The following CDH23 variants were observed in gnomAD, a reference collection of about 807,000 sequenced individuals.
CDH23 encodes the protein cadherin related 23.
In CDH23, 189 loss-of-function variants were observed where a neutral mutation model predicts 317.1. The observed-to-expected ratio is 0.60, with a 90% confidence interval of 0.53 to 0.67. The LOEUF is 0.67. Ranked by LOEUF, CDH23 falls within the 30% of genes least tolerant of loss-of-function variation. The probability of loss-of-function intolerance (pLI) is 0.00; values close to 1 mark genes in which losing one functional copy is unlikely to be tolerated. For missense variants in CDH23, 4,401 were observed against 4,592.4 expected, an observed-to-expected ratio of 0.96 and a Z score of 1.20; for synonymous variants, 1,839 against 1,876.8, an observed-to-expected ratio of 0.98 and a Z score of 0.52.
Position 71,465,952 on chromosome 10 carries a change from G to A in CDH23, c.145+19557G>A, listed in dbSNP as rs1851232810. ...CTCCGGAGGGTGGGAGGAATAGGGT[G>A]TTTGGAAGGTGATGTCTCAAAAGAG... On this transcript the variant is annotated intron_variant, in intron 3 of 69. Transcript: ENST00000224721. Among the ~76,000 whole-genome samples the A allele has an allele frequency of 2.0e-5, 3 of 152,224 alleles. No individual in the cohort carries two copies. The South Asian group carries it at 6.2e-4, about 31-fold the overall frequency.
chr10:71,700,342 G>A (rs1244428074), intron 22 of CDH23, among the ~76,000 whole-genome samples: 1 of 152,132 alleles, frequency 6.6e-6, no homozygotes, highest in South Asian at 2.1e-4. Flanking sequence ...AGCCGAGATT[G>A]CACCACTGCA....
Position 71,725,404 on chromosome 10 carries a change from A to G in CDH23, c.3463A>G (p.Ser1155Gly), listed in dbSNP as rs758792890. 3 of 1,614,036 alleles carry G rather than the reference A, an allele frequency of 1.9e-6. No homozygotes were observed. The highest frequency in any genetic ancestry group is 1.7e-6 in the Non-Finnish European group (2 of 1,179,894). The change falls in exon 30 of 70, where the codon AGC becomes GGC. Residue 1155 changes from serine to glycine, a missense_variant. Physicochemically the swap from Ser to Gly is moderately conservative, Grantham distance 56 (BLOSUM62 0). Transcript: ENST00000224721. The stretch of plus-strand genomic sequence containing the variant: ...TGGCAACAACTTCCGGATCCATGTC[A>G]GCAATGGGCTCCTGATGCGAGGGCC... The part of the protein sequence containing the change: ...NHGNNFRIHV[S>G]NGLLMRGPRP...
intron 1 of CDH23, among the ~76,000 whole-genome samples, chr10:71,409,361 A>G (rs1305927339): frequency 6.6e-6 from 1 of 152,182 alleles, no homozygotes; most frequent in East Asian, 1.9e-4. Context: ...TCCAAGGGCA[A>G]TGAGCTTAAA....
At chr10:71,730,397 C>T in intron 30 of CDH23, 72 bp from the exon 31 acceptor site, 2 of 1,565,158 alleles carry the variant, frequency 1.3e-6, no homozygotes, top group Admixed American at 3.6e-5. Flanking sequence ...AAGGCGGCCA[C>T]AGTGGGCCAA....
chr10:71,790,601 G>A, intron 46 of CDH23, 188 bp downstream of exon 46: 1 of 712,676 alleles, frequency 1.4e-6, no homozygotes, highest in Non-Finnish European at 2.3e-6. Flanking sequence ...GGGGACGTGG[G>A]AAGAGGCTTG....
chr10:71,429,371 C>T (rs556228146), intron 1 of CDH23, among the ~76,000 whole-genome samples: 3 of 152,200 alleles, frequency 2.0e-5, no homozygotes, highest in African/African-American at 7.2e-5. Flanking sequence ...GCTCAATAGA[C>T]AAGTCCCTCT....
intron 6 of CDH23, among the ~76,000 whole-genome samples, chr10:71,547,569 G>T (rs1856352191): frequency 6.6e-6 from 1 of 152,356 alleles, no homozygotes; most frequent in South Asian, 2.1e-4. Context: ...GTATTTCAGG[G>T]CATTCATAGC....
chr10:71,687,960 G>C (rs996848444), intron 19 of CDH23, among the ~76,000 whole-genome samples: 26 of 152,304 alleles, frequency 1.7e-4, no homozygotes, highest in African/African-American at 5.5e-4. Flanking sequence ...CTTGGTTCCT[G>C]CTCTCCTCTA....
At chr10:71,796,566 C>A (rs1397335472) in intron 48 of CDH23, among the ~76,000 whole-genome samples, 1 of 152,222 alleles carries the variant, frequency 6.6e-6, no homozygotes, top group Non-Finnish European at 1.5e-5. Flanking sequence ...TAAACTTGAT[C>A]TCCCTAGAAT....
intron 3 of CDH23, among the ~76,000 whole-genome samples, chr10:71,491,093 G>A (rs571656691): frequency 2.2e-4 from 33 of 152,324 alleles, no homozygotes; most frequent in African/African-American, 7.7e-4. Flanking sequence ...AGGTAGCCGT[G>A]CACCAAATGC....
chr10:71,689,143 G>GTGGTGGAGTCAGGGA (rs1564734135), intron 19 of CDH23, among the ~76,000 whole-genome samples: 1,236 of 38,922 alleles, frequency 0.032, 265 homozygotes, highest in Non-Finnish European at 0.068. Context: ...GGAGCCAGGG[G>GTGGTGGAGTCAGGGA]TGGTGGAGTC....
intron 19 of CDH23, among the ~76,000 whole-genome samples, chr10:71,690,220 C>G (rs1457974485): frequency 6.6e-6 from 1 of 152,148 alleles, no homozygotes; most frequent in East Asian, 1.9e-4. Flanking sequence ...CCCAGTCCAT[C>G]CCTAAGCCTC....
rs186795492 is a variant in CDH23, at chr10:71,605,758, G to A, written c.833-9746G>A. Among the ~76,000 whole-genome samples, 6 of 152,178 alleles carry A rather than the reference G, an allele frequency of 3.9e-5. 1 individual carries two copies. Among genetic ancestry groups the A allele is most frequent in the Admixed American group, 3.9e-4 (6 of 15,284 alleles). The stretch of plus-strand genomic sequence containing the variant: ...CATTTCATATCATAACTTATTTAAT[G>A]AATCCCCTATTGTTGGACATCTAGG... On this transcript the variant is annotated intron_variant, in intron 9 of 69. Coordinates refer to ENST00000224721, the MANE Select transcript of CDH23 (RefSeq NM_022124.6).
intron 9 of CDH23, among the ~76,000 whole-genome samples, chr10:71,612,427 A>G (rs1860959383): frequency 6.6e-6 from 1 of 152,060 alleles, no homozygotes; most frequent in African/African-American, 2.4e-5. Flanking sequence ...TGAGTGAAGA[A>G]ATACAAGTGA....
chr10:71,645,100 G>T (rs1862768899), intron 12 of CDH23, among the ~76,000 whole-genome samples: 1 of 152,244 alleles, frequency 6.6e-6, no homozygotes, highest in African/African-American at 2.4e-5. Flanking sequence ...GTGAGCCACA[G>T]CCCTGGTTAG....
chr10:71,446,376 C>T lies in CDH23; in HGVS notation c.126C>T (p.Ile42=). The T allele has an allele frequency of 6.2e-7, 1 of 1,614,038 alleles. No individual in the cohort carries two copies. Among genetic ancestry groups the T allele is most frequent in the Non-Finnish European group, 8.5e-7 (1 of 1,179,900 alleles). The change falls in exon 3 of 70, where the codon ATC becomes ATT. Residue 42 remains isoleucine (I), a synonymous_variant. Coordinates refer to ENST00000224721, the MANE Select transcript of CDH23 (RefSeq NM_022124.6). The part of the protein sequence containing the change: ...TNHFFDTYLL[I]SEDTPVGSSV... ...ACTTCTTTGATACATACCTGCTGAT[C>T]AGCGAGGACACGCCTGTGGGTGAGT...
chr10:71,718,862 T>C (rs1318994060), intron 28 of CDH23, among the ~76,000 whole-genome samples: 1 of 151,312 alleles, frequency 6.6e-6, no homozygotes, highest in Non-Finnish European at 1.5e-5. Context: ...AGCCCAGGAG[T>C]TTGAGAACAG....
chr10:71,597,062 A>G (rs1859903783), intron 9 of CDH23, among the ~76,000 whole-genome samples: 1 of 152,222 alleles, frequency 6.6e-6, no homozygotes, highest in African/African-American at 2.4e-5. Flanking sequence ...ACTCTGCCTC[A>G]TCATCTTTCA....
chr10:71,703,121 G>A (rs937074947), intron 24 of CDH23, among the ~76,000 whole-genome samples: 4 of 152,122 alleles, frequency 2.6e-5, no homozygotes, highest in Non-Finnish European at 4.4e-5. Flanking sequence ...TACTTTGCAG[G>A]GCTCTAAAGA....
Sources: allele counts gnomAD v4.1 joint callset (sites outside exome capture counted in the v4.1 genomes callset), GRCh38; gene constraint gnomAD v4.1.1; transcripts MANE v1.5; gene names NCBI Gene and HGNC (gene_info 2026-07-23, HGNC 2026-07-21).